WDR20: variants seen among roughly 807,000 people sequenced by gnomAD.
WDR20 encodes the protein WD repeat domain 20, also known as WD repeat-containing protein 20.
In WDR20, 3 loss-of-function variants were observed where a neutral mutation model predicts 38.7. The ratio of observed to expected loss-of-function variants is 0.08; its 90% confidence interval spans 0.04 to 0.20. The LOEUF is 0.20. Among genes scored for constraint, WDR20 ranks in the 10% least tolerant of loss-of-function variants. The pLI, the probability that WDR20 is intolerant of heterozygous loss-of-function variation, is 1.00. For synonymous variants in WDR20, 298 were observed against 285.6 expected (o/e 1.04, Z -0.44); for missense variants, 559 against 727.7 (o/e 0.77, Z 2.67).
chr14:102,143,222 A>G (rs774506842), intron 1 of WDR20, among the ~76,000 whole-genome samples: 53 of 152,348 alleles, frequency 3.5e-4, no homozygotes, highest in Admixed American at 5.2e-4. Context: ...CTTTTTGATC[A>G]CAGGGATATT....
chr14:102,140,606 A>G (rs2050620794), intron 1 of WDR20, among the ~76,000 whole-genome samples: 1 of 152,190 alleles, frequency 6.6e-6, no homozygotes, highest in Admixed American at 6.5e-5. Context: ...CGGCTTAACA[A>G]GATCTCTGTA....
At chr14:102,211,054 C>G (rs530282189), downstream of WDR20, among the ~76,000 whole-genome samples, 1 of 152,190 alleles carries the variant, frequency 6.6e-6, no homozygotes, top group Admixed American at 6.5e-5. This position sits in a 1 kb window ranked among gnomAD's most constrained non-coding sequence, Gnocchi z 4.2. Flanking sequence ...GTGGGAGGCT[C>G]TGCTGCTCCC....
chr14:102,212,831 C>A, downstream of WDR20: 1 of 1,331,106 alleles, frequency 7.5e-7, no homozygotes, highest in South Asian at 1.8e-5. Flanking sequence ...TTCAGTCTTT[C>A]AGCCTAAACG....
chr14:102,223,685 T>C (rs1453713742), downstream of WDR20: 2 of 152,478 alleles, frequency 1.3e-5, no homozygotes, highest in Admixed American at 1.3e-4. Context: ...CGCTTGTTTA[T>C]CTTCTGTTAA....
intron 1 of WDR20, among the ~76,000 whole-genome samples, chr14:102,158,454 C>A (rs552049440): frequency 6.6e-6 from 1 of 152,094 alleles, no homozygotes; most frequent in Non-Finnish European, 1.5e-5. Flanking sequence ...TGTACCACCA[C>A]GCCTGGCTAA....
intron 1 of WDR20, among the ~76,000 whole-genome samples, chr14:102,145,801 A>G (rs1371510236): frequency 1.1e-4 from 16 of 152,036 alleles, no homozygotes; most frequent in African/African-American, 3.4e-4. Context: ...AATAAACAAA[A>G]ACTATACTCA....
intron 1 of WDR20, among the ~76,000 whole-genome samples, chr14:102,143,361 A>G (rs1026762694): frequency 2.4e-5 from 3 of 123,848 alleles, no homozygotes; most frequent in Non-Finnish European, 3.4e-5. Flanking sequence ...GTGTGAGGAG[A>G]TGTAGTTTTG....
chr14:102,214,724 A>G (rs1472926292), downstream of WDR20: 2 of 981,132 alleles, frequency 2.0e-6, no homozygotes, highest in Non-Finnish European at 2.4e-6. Context: ...TTTTCATCCA[A>G]TTTCTTGACA....
chr14:102,199,285 A>T (rs115626150), intron 2 of WDR20, among the ~76,000 whole-genome samples: 2,051 of 151,882 alleles, frequency 0.014, 56 homozygotes, highest in African/African-American at 0.047. Flanking sequence ...GATGAGGCTC[A>T]GATGAGTGAG....
At chr14:102,188,089 A>T (rs1289192397) in intron 1 of WDR20, among the ~76,000 whole-genome samples, 1 of 152,246 alleles carries the variant, frequency 6.6e-6, no homozygotes, top group Non-Finnish European at 1.5e-5. Context: ...TTTATTACCT[A>T]CACTATTTCC....
chr14:102,140,777 C>T (rs2050741419), intron 1 of WDR20, among the ~76,000 whole-genome samples: 1 of 152,192 alleles, frequency 6.6e-6, no homozygotes, highest in Non-Finnish European at 1.5e-5. Flanking sequence ...GGACGGCTGT[C>T]ACTGTCTCCG....
In WDR20 at chr14:102,208,930, C is replaced by T; in HGVS notation, c.760C>T (p.Leu254=). The T allele has an allele frequency of 6.2e-7, 1 of 1,614,222 alleles. No homozygotes were observed. Among genetic ancestry groups the T allele is most frequent in the Admixed American group, 1.7e-5 (1 of 60,024 alleles). Residue 254 remains leucine (L), a synonymous_variant, in exon 3 of 3, where the codon CTG becomes TTG. Transcript: ENST00000342702. This position sits in a 1 kb window ranked among gnomAD's most constrained non-coding sequence, Gnocchi z 5.6. ...LRVFNFDSVE[L]HGTMKSYFGG... ...GGTGTTCAACTTTGACTCAGTGGAGCTGCACGGTACGATGAAAAGCTACTT... is the reference window on the plus strand; with the variant it reads ...GGTGTTCAACTTTGACTCAGTGGAGTTGCACGGTACGATGAAAAGCTACTT...
chr14:102,161,142 A>ATATATATATATATATATTTT (rs1342924049), intron 1 of WDR20, among the ~76,000 whole-genome samples: 7 of 16,050 alleles, frequency 4.4e-4, no homozygotes, highest in Non-Finnish European at 4.8e-4. Flanking sequence ...ATATATATAT[A>ATATATATATATATATATTTT]TTTTTTTTTT....
intron 1 of WDR20, among the ~76,000 whole-genome samples, chr14:102,179,807 T>C (rs1183477328): frequency 6.6e-6 from 1 of 152,170 alleles, no homozygotes; most frequent in Non-Finnish European, 1.5e-5. Context: ...GCTAACTCAC[T>C]GTAGTTCTTG....
chr14:102,179,428 A>G (rs780139679), intron 1 of WDR20, among the ~76,000 whole-genome samples: 9 of 102,736 alleles, frequency 8.8e-5, no homozygotes, highest in Admixed American at 1.3e-4. Context: ...TTTTTAAAGT[A>G]TTTTTTTTTT....
intron 1 of WDR20, among the ~76,000 whole-genome samples, chr14:102,186,606 G>T (rs965810369): frequency 6.6e-6 from 1 of 151,982 alleles, no homozygotes. Context: ...CTGGACTGTG[G>T]ACTAATCAAT....
chr14:102,168,833 T>A (rs1211846424), intron 1 of WDR20, among the ~76,000 whole-genome samples: 1 of 152,132 alleles, frequency 6.6e-6, no homozygotes, highest in Non-Finnish European at 1.5e-5. Context: ...CACCCTAGTT[T>A]AAGGAAGCAG....
intron 1 of WDR20, among the ~76,000 whole-genome samples, chr14:102,142,524 G>A (rs995972373): frequency 2.6e-5 from 4 of 151,924 alleles, no homozygotes; most frequent in Admixed American, 1.3e-4. Flanking sequence ...CGTGCTCATC[G>A]TTCACTACAG....
rs771068698 is a variant in WDR20, at chr14:102,222,780, G to A, written c.1693-50G>A. 1 of 1,610,482 alleles carries A rather than the reference G, an allele frequency of 6.2e-7. No individual in the cohort carries two copies. The highest frequency in any genetic ancestry group is 1.1e-5 in the South Asian group (1 of 90,908). On this transcript the variant is annotated intron_variant, in intron 3 of 3. Transcript: ENST00000335263. The surrounding 1 kb of genome is among the most constrained non-coding windows in gnomAD (Gnocchi z 4.4). Reference sequence around the variant, plus strand: ...CTGGCGGAGGGCGCGCATGGTGGCTGTTGCCCGTCCGGTGTTTTGCTGGAT... The same window carrying A: ...CTGGCGGAGGGCGCGCATGGTGGCTATTGCCCGTCCGGTGTTTTGCTGGAT...
Sources: gnomAD v4.1 joint callset for allele counts (sites outside exome capture counted in the v4.1 genomes callset) on GRCh38, gnomAD v4.1.1 for gene constraint, Gnocchi (gnomAD v3.1) non-coding constraint, MANE v1.5 for transcripts, NCBI Gene and HGNC (gene_info 2026-07-23, HGNC 2026-07-21) for gene names.